Variants in SLC4A8 observed in about 807,000 individuals in gnomAD.
The protein encoded by SLC4A8 is electroneutral sodium bicarbonate exchanger 1.
SLC4A8 carries 40 observed loss-of-function variants against 125.0 expected under a neutral mutation model. The ratio of observed to expected loss-of-function variants is 0.32; its 90% CI spans 0.25 to 0.42. The LOEUF is 0.42. Among genes scored for constraint, SLC4A8 ranks in the 10% least tolerant of loss-of-function variants. The pLI is 1.00. For missense variants in SLC4A8, 863 were observed against 1,355.1 expected, an observed-to-expected ratio of 0.64 and a Z score of 5.70; for synonymous variants, 456 against 476.0, an observed-to-expected ratio of 0.96 and a Z score of 0.55.
At chr12:51,426,777 C>A (rs1435465329) in intron 1 of SLC4A8, among the ~76,000 whole-genome samples, 1 of 151,692 alleles carries the variant, frequency 6.6e-6, no homozygotes, top group Non-Finnish European at 1.5e-5. Context: ...ATTTGGAGCC[C>A]ATGCTGAGGA....
chr12:51,507,287 T>C, intron 24 of SLC4A8, 139 bp from the exon 25 acceptor site: 1 of 514,596 alleles, frequency 1.9e-6, no homozygotes, highest in Admixed American at 3.2e-5. Context: ...TGGTTATTTT[T>C]AGTTGAGAAC....
At chr12:51,451,810 T>C (rs1007150439) in intron 3 of SLC4A8, among the ~76,000 whole-genome samples, 1 of 151,888 alleles carries the variant, frequency 6.6e-6, no homozygotes, top group Non-Finnish European at 1.5e-5. Context: ...AAAGAAAACT[T>C]CACAGTTCTG....
intron 1 of SLC4A8, among the ~76,000 whole-genome samples, chr12:51,432,489 C>T (rs988167932): frequency 6.0e-5 from 9 of 150,850 alleles, no homozygotes; most frequent in African/African-American, 2.2e-4. Context: ...CCTTGGGAGG[C>T]CGAGGTGGGT....
chr12:51,490,373 G>A (rs1339907110), intron 19 of SLC4A8, among the ~76,000 whole-genome samples: 2 of 152,022 alleles, frequency 1.3e-5, no homozygotes, highest in African/African-American at 4.8e-5. Flanking sequence ...GGCTAACACA[G>A]TGAAACCTCG....
At chr12:51,476,067 A>G (rs545135946) in intron 16 of SLC4A8, among the ~76,000 whole-genome samples, 1 of 152,254 alleles carries the variant, frequency 6.6e-6, no homozygotes, top group East Asian at 1.9e-4. Context: ...TTACCACAGT[A>G]TACCAAGCTA....
At chr12:51,503,216 T>A (rs1565825914) in intron 22 of SLC4A8, among the ~76,000 whole-genome samples, 1 of 150,778 alleles carries the variant, frequency 6.6e-6, no homozygotes, top group Non-Finnish European at 1.5e-5. Context: ...TTATTATTTT[T>A]TTATTTTTTA....
At chr12:51,464,767 A>T (rs183115142) in intron 11 of SLC4A8, among the ~76,000 whole-genome samples, 1 of 152,156 alleles carries the variant, frequency 6.6e-6, no homozygotes, top group Non-Finnish European at 1.5e-5. Flanking sequence ...TATCCTCAGC[A>T]CTCTACCCAG....
At chr12:51,413,045 G>C (rs1948623141) in intron 1 of SLC4A8, among the ~76,000 whole-genome samples, 1 of 152,168 alleles carries the variant, frequency 6.6e-6, no homozygotes, top group African/African-American at 2.4e-5. Context: ...CAGTTTATAA[G>C]AGTTCCCTTT....
chr12:51,420,709 A>T (rs908614943), upstream of SLC4A8, among the ~76,000 whole-genome samples: 5 of 152,242 alleles, frequency 3.3e-5, no homozygotes, highest in African/African-American at 1.2e-4. Flanking sequence ...ATCTGGAAGG[A>T]TGGCCACGTC....
At chr12:51,462,560 G>T in intron 10 of SLC4A8, 104 bp downstream of exon 10, 1 of 886,658 alleles carries the variant, frequency 1.1e-6, no homozygotes. Flanking sequence ...TCAAGATGCA[G>T]CTCTGTTTTG....
chr12:51,457,292 G>T (rs1312892899), intron 5 of SLC4A8, 59 bp from the exon 6 acceptor site: 23 of 1,467,240 alleles, frequency 1.6e-5, no homozygotes, highest in Non-Finnish European at 2.0e-5. Context: ...ACCTGATGTT[G>T]GCCTTCTTGG....
intron 2 of SLC4A8, 141 bp downstream of exon 2, chr12:51,440,930 T>C: frequency 1.1e-6 from 1 of 943,918 alleles, no homozygotes; most frequent in Non-Finnish European, 1.5e-6. Context: ...CTCACTTTCC[T>C]CATCTGGTAA....
Position 51,453,611 on chromosome 12 carries a change from A to C in SLC4A8, c.486A>C (p.Ser162=). ...GCAAGCCTTATGTGGCAACCCTTTC[A>C]TTGCACAGCCTGTTTGAGCTAAGGA... The part of the protein sequence containing the change: ...RWSKPYVATL[S]LHSLFELRSC... The change falls in exon 5 of 25, where the codon TCA becomes TCC. Residue 162 remains serine, a synonymous_variant. Transcript: ENST00000453097. 1 of 1,614,176 alleles carries C rather than the reference A, an allele frequency of 6.2e-7. No homozygotes were observed. The highest frequency in any genetic ancestry group is 1.1e-5 in the South Asian group (1 of 91,082).
chr12:51,511,621 T>C lies in SLC4A8; in HGVS notation c.*4183T>C. ...CCAGGCTGGTCTGAAACTCCTGGCC[T>C]CAGGTGATCCACCCACCTCAGCCTC... is the stretch of plus-strand genomic sequence containing the variant. On this transcript the variant is annotated 3_prime_UTR_variant, in exon 25 of 25. Transcript: ENST00000453097. 1 of 152,370 alleles carries C rather than the reference T, an allele frequency of 6.6e-6. No homozygotes were observed. The highest frequency in any genetic ancestry group is 1.5e-5 in the Non-Finnish European group (1 of 68,062). 9.4% of individuals were successfully genotyped at this position (152,370 alleles called of 1,614,324 possible).
chr12:51,402,920 G>A (rs1220855653), intron 1 of SLC4A8, among the ~76,000 whole-genome samples: 2 of 152,136 alleles, frequency 1.3e-5, no homozygotes, highest in Non-Finnish European at 2.9e-5. Flanking sequence ...TGCTATGGGA[G>A]AGGCATGTCT....
At position 51,514,869 on chromosome 12, in the gene SLC4A8, CT is replaced by C. The variant is rs976086464; in HGVS notation, c.*7435del. Reference sequence around the variant, plus strand: ...AAGAGGAAAGGAGTGTTATGTGAACCTTTTCAGTAGGGAAATTCAGAAAATG... The same window carrying C: ...AAGAGGAAAGGAGTGTTATGTGAACCTTTCAGTAGGGAAATTCAGAAAATG... On this transcript the variant is annotated 3_prime_UTR_variant, in exon 25 of 25. Transcript: ENST00000453097. 1 of 152,118 alleles carries C rather than the reference CT, an allele frequency of 6.6e-6. No individual in the cohort carries two copies. Among genetic ancestry groups the C allele is most frequent in the African/African-American group, 2.4e-5 (1 of 41,418 alleles). 9.4% of individuals were successfully genotyped at this position (152,118 alleles called of 1,614,324 possible).
chr12:51,496,953 CT>C (rs745850816), intron 21 of SLC4A8, 33 bp from the exon 22 acceptor site: 2 of 1,608,390 alleles, frequency 1.2e-6, no homozygotes, highest in Non-Finnish European at 1.7e-6. Context: ...AAATTAGTCC[CT>C]TTAATTCACT....
rs759386623 is a variant in SLC4A8, at chr12:51,457,343, CT to C, written c.575-5del. 6.2e-7 allele frequency: 1 copy of C among 1,611,818 alleles called. No individual in the cohort carries two copies. Among genetic ancestry groups the C allele is most frequent in the Non-Finnish European group, 8.5e-7 (1 of 1,178,924 alleles). ...ATCTGAGTGTTCATGTGAGTGCCTG[CT>C]TTCCAGACCTGATCCTGGATCAGCA... is the stretch of plus-strand genomic sequence containing the variant. On this transcript the variant is annotated splice_region_variant and splice_polypyrimidine_tract_variant and intron_variant, in intron 5 of 24. Coordinates refer to ENST00000453097, the MANE Select transcript of SLC4A8 (RefSeq NM_001039960.3).
At chr12:51,407,399 G>A (rs147259005) in intron 1 of SLC4A8, among the ~76,000 whole-genome samples, 28 of 152,012 alleles carry the variant, frequency 1.8e-4, no homozygotes, top group African/African-American at 6.8e-4. Context: ...GGCACTACAG[G>A]CATGCATCAC....
Sources: allele counts gnomAD v4.1 joint callset (sites outside exome capture counted in the v4.1 genomes callset), GRCh38; gene constraint gnomAD v4.1.1; transcripts MANE v1.5; gene names NCBI Gene and HGNC (gene_info 2026-07-23, HGNC 2026-07-21).